Variants in PRKN observed in about 807,000 individuals in gnomAD.
The protein encoded by PRKN is E3 ubiquitin-protein ligase parkin.
Under a neutral mutation model 59.5 loss-of-function variants are expected in PRKN, and 56 were observed. That is an observed-to-expected ratio of 0.94 (90% CI 0.76 to 1.18). The LOEUF (loss-of-function observed/expected upper bound fraction) is 1.18. Among genes scored for constraint, PRKN ranks in the 50% most tolerant of loss-of-function variants. The probability of loss-of-function intolerance (pLI) is 0.00; values close to 1 mark genes in which losing one functional copy is unlikely to be tolerated. For synonymous variants in PRKN, 250 were observed against 222.1 expected (o/e 1.13, Z -1.12); for missense variants, 657 against 596.4 (o/e 1.10, Z -1.06).
chr6:162,086,757 C>T (rs1322069237), intron 4 of PRKN, among the ~76,000 whole-genome samples: 3 of 152,180 alleles, frequency 2.0e-5, no homozygotes, highest in Non-Finnish European at 4.4e-5. Flanking sequence ...CATTTATCTC[C>T]ATCTTAACTA....
chr6:162,286,446 A>G (rs1781196714), intron 2 of PRKN, among the ~76,000 whole-genome samples: 1 of 152,152 alleles, frequency 6.6e-6, no homozygotes, highest in Non-Finnish European at 1.5e-5. Context: ...AACTTCACCA[A>G]CATTTCCAAC....
At chr6:162,311,263 G>A (rs905530874) in intron 2 of PRKN, among the ~76,000 whole-genome samples, 4 of 152,102 alleles carry the variant, frequency 2.6e-5, no homozygotes, top group Admixed American at 6.6e-5. Flanking sequence ...AAAAATAGCT[G>A]TGAAAGATGC....
chr6:161,506,006 C>T (rs1203348424), intron 9 of PRKN, among the ~76,000 whole-genome samples: 5 of 151,940 alleles, frequency 3.3e-5, no homozygotes, highest in African/African-American at 4.8e-5. Flanking sequence ...CTTGGCGATG[C>T]GGGTTCTTTT....
At chr6:162,607,870 A>C (rs1781988788) in intron 1 of PRKN, among the ~76,000 whole-genome samples, 1 of 152,150 alleles carries the variant, frequency 6.6e-6, no homozygotes, top group Non-Finnish European at 1.5e-5. Flanking sequence ...AGAGAAGGGA[A>C]GAGGTATGAA....
At position 161,451,706 on chromosome 6, in the gene PRKN, C is replaced by T. The variant is rs117753508; in HGVS notation, c.1084-64829G>A. ...AATATTAGAAAGGCCATCCAGGATG[C>T]GTCATTTGCAAGCTTGGGTGGACAG... On this transcript the variant is annotated intron_variant, in intron 9 of 11. Coordinates refer to ENST00000366898, the MANE Select transcript of PRKN (RefSeq NM_004562.3). This position sits in a 1 kb window ranked among gnomAD's most constrained non-coding sequence, Gnocchi z 5.9. Among the ~76,000 whole-genome samples the T allele has an allele frequency of 2.0e-3, 299 of 152,264 alleles. 1 individual carries two copies. The highest frequency in any genetic ancestry group is 3.5e-3 in the Non-Finnish European group (235 of 68,028).
intron 7 of PRKN, among the ~76,000 whole-genome samples, chr6:161,730,399 C>G (rs1186429764): frequency 1.3e-5 from 2 of 150,660 alleles, no homozygotes; most frequent in Non-Finnish European, 2.9e-5. Flanking sequence ...ATGTTGCATT[C>G]TGACGTGCTG....
intron 5 of PRKN, among the ~76,000 whole-genome samples, chr6:162,050,350 T>C (rs958744230): frequency 9.2e-5 from 14 of 152,316 alleles, no homozygotes; most frequent in Admixed American, 2.6e-4. Context: ...CTAAGAGTCA[T>C]TGTCTTTCAC....
intron 7 of PRKN, among the ~76,000 whole-genome samples, chr6:161,685,904 T>C (rs994503103): frequency 6.6e-6 from 1 of 152,190 alleles, no homozygotes; most frequent in African/African-American, 2.4e-5. Context: ...TCCAGGCCAA[T>C]GCCTCAGCAA....
chr6:161,522,987 T>C lies in PRKN; in HGVS notation c.1083+25867A>G, dbSNP rs12209107. Among the ~76,000 whole-genome samples the C allele has an allele frequency of 5.9e-5, 9 of 152,264 alleles. No individual in the cohort carries two copies. The East Asian group carries it at 1.5e-3, about 26-fold the overall frequency. Reference sequence around the variant, plus strand: ...ACTTACTTATCTATCTTTGATGCTATGCAAGACAAAATAAATGGAAGCCCT... The same window carrying C: ...ACTTACTTATCTATCTTTGATGCTACGCAAGACAAAATAAATGGAAGCCCT... On this transcript the variant is annotated intron_variant, in intron 9 of 11. Coordinates refer to ENST00000366898, the MANE Select transcript of PRKN (RefSeq NM_004562.3).
intron 5 of PRKN, among the ~76,000 whole-genome samples, chr6:161,977,944 T>G (rs1789993): frequency 6.6e-6 from 1 of 151,940 alleles, no homozygotes; most frequent in Non-Finnish European, 1.5e-5. Flanking sequence ...AGCGGACAAA[T>G]GACAGACCCA....
intron 7 of PRKN, among the ~76,000 whole-genome samples, chr6:161,706,719 A>G (rs1300492651): frequency 6.6e-6 from 1 of 151,968 alleles, no homozygotes; most frequent in Non-Finnish European, 1.5e-5. Context: ...CACCACACAC[A>G]GCTAATTTTT....
At chr6:161,601,783 C>T (rs535509433) in intron 7 of PRKN, among the ~76,000 whole-genome samples, 15 of 152,144 alleles carry the variant, frequency 9.9e-5, no homozygotes, top group East Asian at 3.9e-4. Context: ...GGGGTTTCAC[C>T]GTGTTAGCCA....
rs1466787392 is a variant in PRKN at position 161,414,236 on chromosome 6, C to A, written c.1084-27359G>T. On this transcript the variant is annotated intron_variant, in intron 9 of 11. Transcript: ENST00000366898. This position sits in a 1 kb window ranked among gnomAD's most constrained non-coding sequence, Gnocchi z 5.3. Reference sequence around the variant, plus strand: ...GAGGCTCTTTCCAGCATTTTCTCCCCAGATGTCAGAGCCGTGCACCCTTCT... The same window carrying A: ...GAGGCTCTTTCCAGCATTTTCTCCCAAGATGTCAGAGCCGTGCACCCTTCT... Among the ~76,000 whole-genome samples the A allele has an allele frequency of 6.6e-6, 1 of 152,190 alleles. No individual in the cohort carries two copies. The highest frequency in any genetic ancestry group is 2.4e-5 in the African/African-American group (1 of 41,434).
At chr6:162,039,749 A>C (rs1783991196) in intron 5 of PRKN, among the ~76,000 whole-genome samples, 1 of 152,216 alleles carries the variant, frequency 6.6e-6, no homozygotes, top group Admixed American at 6.5e-5. Flanking sequence ...TCTGTTGCTA[A>C]TTTGAGCCCC....
chr6:161,717,771 G>A (rs961522842), intron 7 of PRKN, among the ~76,000 whole-genome samples: 2 of 152,178 alleles, frequency 1.3e-5, no homozygotes, highest in Non-Finnish European at 2.9e-5. Context: ...AAGAGAGGAA[G>A]GGGGTGCCTG....
In PRKN at chr6:162,327,247, C is replaced by T. The variant is rs565244340; in HGVS notation, c.172-64482G>A. Reference sequence around the variant, plus strand: ...TGAGGTGTGAGTTATATTGTGACTACGGTGATTTTCCATCCACTCAGTATT... The same window carrying T: ...TGAGGTGTGAGTTATATTGTGACTATGGTGATTTTCCATCCACTCAGTATT... On this transcript the variant is annotated intron_variant, in intron 2 of 11. Coordinates refer to ENST00000366898, the MANE Select transcript of PRKN (RefSeq NM_004562.3). 3.3e-3 allele frequency among the ~76,000 whole-genome samples: 506 copies of T among 152,236 alleles called. 4 individuals carry two copies. Among genetic ancestry groups the T allele is most frequent in the African/African-American group, 0.012 (486 of 41,540 alleles).
At chr6:161,719,264 G>C (rs1787120521) in intron 7 of PRKN, among the ~76,000 whole-genome samples, 2 of 151,448 alleles carry the variant, frequency 1.3e-5, no homozygotes, top group Non-Finnish European at 2.9e-5. Context: ...CTCAAGAGTT[G>C]CAGGAGAAAT....
intron 3 of PRKN, among the ~76,000 whole-genome samples, chr6:162,251,278 A>G (rs898685210): frequency 6.6e-6 from 1 of 152,202 alleles, no homozygotes; most frequent in Non-Finnish European, 1.5e-5. Context: ...TGGGAGGATC[A>G]GGAGACAGGA....
rs1039138955 is a variant in PRKN at position 162,338,497 on chromosome 6, G to A, written c.172-75732C>T. Among the ~76,000 whole-genome samples, 84 of 152,282 alleles carry A rather than the reference G, an allele frequency of 5.5e-4. 1 individual carries two copies. Among genetic ancestry groups the A allele is most frequent in the Middle Eastern group, 3.4e-3 (1 of 294 alleles). On this transcript the variant is annotated intron_variant, in intron 2 of 11. Coordinates refer to ENST00000366898, the MANE Select transcript of PRKN (RefSeq NM_004562.3). ...TCCAGCCCCTAACCGCGAGTGATCC[G>A]CCAGCCTCGGCCTCCCGAGGTGCCG...
Sources: gnomAD v4.1 joint callset for allele counts (sites outside exome capture counted in the v4.1 genomes callset) on GRCh38, gnomAD v4.1.1 for gene constraint, Gnocchi (gnomAD v3.1) non-coding constraint, MANE v1.5 for transcripts, NCBI Gene and HGNC (gene_info 2026-07-23, HGNC 2026-07-21) for gene names.